The following AGBL4 variants were observed in gnomAD, a reference collection of about 807,000 sequenced individuals.
The protein encoded by AGBL4 is AGBL carboxypeptidase 4.
A neutral mutation model predicts 66.4 loss-of-function variants in AGBL4; 58 were observed. The observed-to-expected ratio is 0.87, with a 90% CI of 0.71 to 1.09. The LOEUF (loss-of-function observed/expected upper bound fraction) is 1.09, where lower values mean the gene tolerates loss of function less well. AGBL4 is among the 50% of genes least tolerant of loss of function. AGBL4 has a pLI of 0.00. For missense variants in AGBL4, 579 were observed against 631.0 expected, an observed-to-expected ratio of 0.92 and a Z score of 0.88; for synonymous variants, 234 against 222.9, an observed-to-expected ratio of 1.05 and a Z score of -0.44.
intron 3 of AGBL4, among the ~76,000 whole-genome samples, chr1:49,387,077 CAA>C (rs913096202): frequency 2.0e-5 from 3 of 151,736 alleles, no homozygotes; most frequent in African/African-American, 7.3e-5. Flanking sequence ...CATGAATAAG[CAA>C]AGAGTCAATT....
At chr1:49,862,400 C>A in intron 1 of AGBL4, among the ~76,000 whole-genome samples, 1 of 149,274 alleles carries the variant, frequency 6.7e-6, no homozygotes, top group Non-Finnish European at 1.5e-5. Flanking sequence ...TAGAAAATAG[C>A]CTCAAAATAG....
intron 3 of AGBL4, among the ~76,000 whole-genome samples, chr1:49,547,699 G>C (rs1652605738): frequency 1.3e-5 from 2 of 151,924 alleles, no homozygotes; most frequent in South Asian, 4.1e-4. Flanking sequence ...TCCTTGGAGA[G>C]GTTTTTCACC....
intron 3 of AGBL4, among the ~76,000 whole-genome samples, chr1:49,373,663 A>G (rs192375102): frequency 2.6e-5 from 4 of 152,240 alleles, no homozygotes; most frequent in African/African-American, 9.6e-5. Flanking sequence ...AAAAATTGAG[A>G]TTTGGAAAAG....
At chr1:48,822,523 C>T (rs1048402630) in intron 6 of AGBL4, among the ~76,000 whole-genome samples, 28 of 152,220 alleles carry the variant, frequency 1.8e-4, no homozygotes, top group Non-Finnish European at 2.8e-4. Flanking sequence ...GCCTTTGCAT[C>T]TTTGTTCAAA....
At chr1:49,754,942 G>C (rs1651779727) in intron 2 of AGBL4, among the ~76,000 whole-genome samples, 1 of 152,172 alleles carries the variant, frequency 6.6e-6, no homozygotes, top group Non-Finnish European at 1.5e-5. Flanking sequence ...CTTCTTTGGG[G>C]AAGTCAATCT....
Position 49,379,612 on chromosome 1 carries a change from C to A in AGBL4, c.283-133748G>T, listed in dbSNP as rs1480141725. On this transcript the variant is annotated intron_variant, in intron 3 of 13. Coordinates refer to ENST00000371839, the MANE Select transcript of AGBL4 (RefSeq NM_032785.4). ...AAGCGTTGTTGAATTTTGTCAAAGG[C>A]CTTTTCTGCATCTATTGAGATAATC... is the stretch of plus-strand genomic sequence containing the variant. 2.0e-5 allele frequency among the ~76,000 whole-genome samples: 3 copies of A among 152,016 alleles called. No individual in the cohort carries two copies. In the South Asian group the frequency reaches 6.2e-4, roughly 32 times the overall value.
At chr1:49,955,009 CTT>C (rs1471088203) in intron 1 of AGBL4, among the ~76,000 whole-genome samples, 2 of 151,858 alleles carry the variant, frequency 1.3e-5, no homozygotes, top group African/African-American at 4.8e-5. Context: ...AGAGGCCTCT[CTT>C]ATATTTGATT....
intron 3 of AGBL4, among the ~76,000 whole-genome samples, chr1:49,603,212 GTAATAT>G (rs1644995653): frequency 6.6e-6 from 1 of 152,114 alleles, no homozygotes; most frequent in South Asian, 2.1e-4. Flanking sequence ...TCAGAACTAA[GTAATAT>G]TATATAGGGA....
intron 3 of AGBL4, among the ~76,000 whole-genome samples, chr1:49,585,904 T>G (rs1644638200): frequency 6.6e-6 from 1 of 152,140 alleles, no homozygotes; most frequent in Non-Finnish European, 1.5e-5. Context: ...TAGAATCAGA[T>G]GCCATAAAAA....
intron 6 of AGBL4, among the ~76,000 whole-genome samples, chr1:48,816,345 C>G (rs1267180039): frequency 6.6e-6 from 1 of 152,100 alleles, no homozygotes; most frequent in Non-Finnish European, 1.5e-5. Context: ...TATCTGAGAT[C>G]ATCCTTTTAT....
chr1:49,995,511 T>G, intron 1 of AGBL4: 1 of 343,184 alleles, frequency 2.9e-6, no homozygotes, highest in Non-Finnish European at 5.8e-6. Context: ...AAGAAGAGTC[T>G]GAGCTAAAAC....
intron 6 of AGBL4, 27 bp downstream of exon 6, chr1:48,867,164 A>G (rs201123100): frequency 1.5e-4 from 242 of 1,612,074 alleles, no homozygotes; most frequent in African/African-American, 7.5e-4. Flanking sequence ...AGGGAAAAGC[A>G]AAGGCAGAAG....
Position 49,487,264 on chromosome 1 carries a change from A to G in AGBL4, c.282+210049T>C, listed in dbSNP as rs116083264. Among the ~76,000 whole-genome samples, 1,471 of 152,136 alleles carry G rather than the reference A, an allele frequency of 9.7e-3. 18 individuals are homozygous for G. The highest frequency in any genetic ancestry group is 0.034 in the African/African-American group (1,402 of 41,552). ...CAGCTAACATTTACAGTATACTTCCAATATACCTGATATTGTGCTAAATGT... is the reference window on the plus strand; with the variant it reads ...CAGCTAACATTTACAGTATACTTCCGATATACCTGATATTGTGCTAAATGT... On this transcript the variant is annotated intron_variant, in intron 3 of 13. Coordinates refer to ENST00000371839, the MANE Select transcript of AGBL4 (RefSeq NM_032785.4).
At chr1:48,994,866 T>A (rs973522183) in intron 5 of AGBL4, among the ~76,000 whole-genome samples, 4 of 152,158 alleles carry the variant, frequency 2.6e-5, no homozygotes, top group Non-Finnish European at 5.9e-5. Context: ...CAGGTACAGA[T>A]ACATAATTCC....
intron 5 of AGBL4, among the ~76,000 whole-genome samples, chr1:48,967,776 A>G (rs1204212361): frequency 1.3e-5 from 2 of 152,188 alleles, no homozygotes; most frequent in East Asian, 3.9e-4. Context: ...AACAGAAAGC[A>G]GTCAAATTTA....
rs1050166186 is a variant in AGBL4, at chr1:48,543,408, A to G, written c.1268-3670T>C. On this transcript the variant is annotated intron_variant, in intron 11 of 13. Transcript: ENST00000371839. Reference sequence around the variant, plus strand: ...CATCCATCCATCCATCCATCCATCCATCCATCCATCCATCCATCCATCTAC... The same window carrying G: ...CATCCATCCATCCATCCATCCATCCGTCCATCCATCCATCCATCCATCTAC... Among the ~76,000 whole-genome samples the G allele has an allele frequency of 5.3e-5, 8 of 151,954 alleles. No individual in the cohort carries two copies. The South Asian group carries it at 1.5e-3, about 28-fold the overall frequency.
intron 6 of AGBL4, among the ~76,000 whole-genome samples, chr1:48,845,098 G>T (rs1159274703): frequency 1.3e-5 from 2 of 152,196 alleles, no homozygotes; most frequent in Non-Finnish European, 1.5e-5. Context: ...AGAAGGAAGT[G>T]AATATTTCTT....
At chr1:48,587,379 G>A (rs143804447) in intron 10 of AGBL4, among the ~76,000 whole-genome samples, 135 of 152,110 alleles carry the variant, frequency 8.9e-4, no homozygotes, top group African/African-American at 3.2e-3. Flanking sequence ...GCCACTCAAC[G>A]AATATTTGTG....
At chr1:49,566,113 T>C (rs1644196449) in intron 3 of AGBL4, among the ~76,000 whole-genome samples, 1 of 152,234 alleles carries the variant, frequency 6.6e-6, no homozygotes, top group Admixed American at 6.5e-5. Context: ...GGCTTATGCA[T>C]TCATCACGTA....
Sources: gnomAD v4.1 joint callset for allele counts (sites outside exome capture counted in the v4.1 genomes callset) on GRCh38, gnomAD v4.1.1 for gene constraint, MANE v1.5 for transcripts, NCBI Gene and HGNC (gene_info 2026-07-23, HGNC 2026-07-21) for gene names.